CCDC175: variants seen among roughly 807,000 people sequenced by gnomAD.
CCDC175 encodes coiled-coil domain containing 175, also known as coiled-coil domain-containing protein 175.
In CCDC175, 100 loss-of-function variants were observed where a neutral mutation model predicts 114.6. The ratio of observed to expected loss-of-function variants is 0.87; its 90% CI spans 0.74 to 1.03. The LOEUF is 1.03. Among genes scored for constraint, CCDC175 ranks in the 50% least tolerant of loss-of-function variants. The probability of loss-of-function intolerance (pLI) is 0.00; values close to 1 mark genes in which losing one functional copy is unlikely to be tolerated. For missense variants in CCDC175, 880 were observed against 917.8 expected (o/e 0.96, Z 0.53); for synonymous variants, 306 against 308.7 (o/e 0.99, Z 0.09).
At chr14:59,535,014 C>T (rs1308154312) in intron 13 of CCDC175, among the ~76,000 whole-genome samples, 1 of 152,168 alleles carries the variant, frequency 6.6e-6, no homozygotes, top group South Asian at 2.1e-4. Flanking sequence ...AATGGTTCCA[C>T]CAGGGGCACA....
At chr14:59,548,816 T>C (rs1194034371) in intron 8 of CCDC175, among the ~76,000 whole-genome samples, 3 of 152,062 alleles carry the variant, frequency 2.0e-5, no homozygotes, top group South Asian at 2.1e-4. Context: ...AAAGCAAAAA[T>C]GGAAAGCATT....
chr14:59,506,010 G>A lies in CCDC175; in HGVS notation c.2306-695C>T, dbSNP rs531450171. On this transcript the variant is annotated intron_variant, in intron 19 of 19. Transcript: ENST00000537690. ...TTCTCAAAGAGGATTTTCTTTGAGC[G>A]TCATATTGGTGCTGAAAAAGCTTTG... Among the ~76,000 whole-genome samples the A allele has an allele frequency of 3.5e-4, 53 of 152,242 alleles. 2 individuals are homozygous for A. The South Asian group carries it at 0.01, about 30-fold the overall frequency.
At chr14:59,506,755 T>C (rs2139937843) in intron 19 of CCDC175, among the ~76,000 whole-genome samples, 1 of 152,340 alleles carries the variant, frequency 6.6e-6, no homozygotes, top group South Asian at 2.1e-4. Flanking sequence ...AGGAGGTGTT[T>C]TTCTAGACTT....
At chr14:59,549,644 CCA>C (rs200931088) in intron 8 of CCDC175, among the ~76,000 whole-genome samples, 4,918 of 142,626 alleles carry the variant, frequency 0.034, 118 homozygotes, top group Middle Eastern at 0.057. Flanking sequence ...CGCTTGAACC[CCA>C]GAGGCAGAGG....
chr14:59,543,420 C>T lies in CCDC175; in HGVS notation c.1207G>A (p.Glu403Lys). 3 of 1,461,702 alleles carry T rather than the reference C, an allele frequency of 2.1e-6. No individual in the cohort carries two copies. Among genetic ancestry groups the T allele is most frequent in the Non-Finnish European group, 2.7e-6 (3 of 1,099,204 alleles). 90.5% of individuals were successfully genotyped at this position (1,461,702 alleles called of 1,614,324 possible). Residue 403 changes from glutamate (E) to lysine (K), a missense_variant, in exon 10 of 20, where the codon GAA becomes AAA. Glu to Lys is a moderately conservative substitution (Grantham distance 56). Transcript: ENST00000537690. ...ACTCTCTTTTGTGACAGAAAGTATT[C>T]TTTCTGAGAAATAAATGTCAGCTGT... ...QKQLTFISQK[E>K]YFLSQKRVDI...
chr14:59,543,000 T>C (rs1894879013), intron 10 of CCDC175, among the ~76,000 whole-genome samples: 1 of 152,158 alleles, frequency 6.6e-6, no homozygotes, highest in Admixed American at 6.5e-5. Context: ...CATGTACAGG[T>C]ATTATTTTTT....
intron 8 of CCDC175, among the ~76,000 whole-genome samples, chr14:59,546,500 C>T (rs750638901): frequency 9.9e-5 from 15 of 152,122 alleles, no homozygotes; most frequent in Non-Finnish European, 4.4e-5. Context: ...TAGGTGATTG[C>T]TAGGCCTAAT....
chr14:59,543,947 G>C (rs951360887), intron 9 of CCDC175, among the ~76,000 whole-genome samples: 1 of 152,174 alleles, frequency 6.6e-6, no homozygotes, highest in Non-Finnish European at 1.5e-5. Context: ...ATTCTGTCAT[G>C]TTCTTCCATG....
chr14:59,571,178 A>G (rs1896828628), intron 3 of CCDC175, among the ~76,000 whole-genome samples: 1 of 150,696 alleles, frequency 6.6e-6, no homozygotes. Context: ...GAGATCGAAG[A>G]CCTAAACATA....
chr14:59,569,857 G>A (rs1896751326), intron 3 of CCDC175, among the ~76,000 whole-genome samples: 1 of 152,198 alleles, frequency 6.6e-6, no homozygotes, highest in Non-Finnish European at 1.5e-5. Context: ...AAGAAGTGAA[G>A]AGAACTTGAA....
intron 13 of CCDC175, among the ~76,000 whole-genome samples, chr14:59,537,224 A>G (rs1894453514): frequency 6.6e-6 from 1 of 152,108 alleles, no homozygotes; most frequent in South Asian, 2.1e-4. Flanking sequence ...TATTAATATT[A>G]TTAATAGAAA....
chr14:59,546,781 G>A (rs1050359552), intron 8 of CCDC175, among the ~76,000 whole-genome samples: 2 of 152,082 alleles, frequency 1.3e-5, no homozygotes, highest in Non-Finnish European at 2.9e-5. Context: ...AGGCTGCAGT[G>A]AGCCATGATC....
At chr14:59,541,112 C>T (rs967795761) in intron 10 of CCDC175, among the ~76,000 whole-genome samples, 3 of 152,122 alleles carry the variant, frequency 2.0e-5, no homozygotes, top group African/African-American at 2.4e-5. Flanking sequence ...AGGGAAGGAA[C>T]AGCAAGTCAG....
chr14:59,563,862 A>G lies in CCDC175; in HGVS notation c.721-3T>C, dbSNP rs1325877681. The G allele has an allele frequency of 7.1e-7, 1 of 1,405,328 alleles. No individual in the cohort carries two copies. Among genetic ancestry groups the G allele is most frequent in the Non-Finnish European group, 9.2e-7 (1 of 1,086,238 alleles). 87.1% of individuals were successfully genotyped at this position (1,405,328 alleles called of 1,614,324 possible). On this transcript the variant is annotated splice_region_variant and splice_polypyrimidine_tract_variant and intron_variant, in intron 5 of 19. Transcript: ENST00000537690. ...CGGGTATTTTCAAATTCATTAATCTATAGTGACAAGCATAAGAAACCAATT... is the reference window on the plus strand; with the variant it reads ...CGGGTATTTTCAAATTCATTAATCTGTAGTGACAAGCATAAGAAACCAATT...
Position 59,531,908 on chromosome 14 carries a change from T to G in CCDC175, c.1626A>C (p.Glu542Asp). Residue 542 changes from glutamate to aspartate, a missense_variant and splice_region_variant, in exon 14 of 20, where the codon GAA becomes GAC. Coordinates refer to ENST00000537690, the MANE Select transcript of CCDC175 (RefSeq NM_001164399.2). Reference sequence around the variant, plus strand: ...TAATTTGTGTTTCCTTAACAAATATTTCCTTTAAAGAAAATAAAATCAATT... The same window carrying G: ...TAATTTGTGTTTCCTTAACAAATATGTCCTTTAAAGAAAATAAAATCAATT... Reference protein sequence around the residue: ...MLMKELSKYEEIFVKETQINK... With the variant: ...MLMKELSKYEDIFVKETQINK... 1 of 1,151,910 alleles carries G rather than the reference T, an allele frequency of 8.7e-7. No homozygotes were observed. The highest frequency in any genetic ancestry group is 1.2e-6 in the Non-Finnish European group (1 of 816,340). The allele number at this position is 1,151,910 out of a possible 1,614,324, so 71.4% of individuals were successfully genotyped here. A position where few individuals can be genotyped will look rare whatever the true frequency, so the allele number is the denominator to read the frequency against.
chr14:59,523,984 G>C (rs1037089968), intron 16 of CCDC175, among the ~76,000 whole-genome samples: 2 of 141,672 alleles, frequency 1.4e-5, no homozygotes, highest in African/African-American at 2.8e-5. Context: ...GCAAGACTCC[G>C]TCTCAAAAAA....
intron 17 of CCDC175, among the ~76,000 whole-genome samples, chr14:59,515,580 A>G (rs1267340679): frequency 6.6e-6 from 1 of 152,192 alleles, no homozygotes; most frequent in Admixed American, 6.5e-5. Flanking sequence ...AGGCCATTAC[A>G]TAATGGTAAA....
At chr14:59,566,201 T>C (rs1332793819) in intron 4 of CCDC175, among the ~76,000 whole-genome samples, 1 of 152,168 alleles carries the variant, frequency 6.6e-6, no homozygotes, top group African/African-American at 2.4e-5. Flanking sequence ...ACACATCCAT[T>C]GCGGGCGGTG....
At chr14:59,512,884 G>T (rs1168239096) in intron 17 of CCDC175, among the ~76,000 whole-genome samples, 1 of 150,678 alleles carries the variant, frequency 6.6e-6, no homozygotes, top group East Asian at 2.0e-4. Flanking sequence ...GGAAATCAAA[G>T]AATTTAGAAT....
Sources: allele counts gnomAD v4.1 joint callset (sites outside exome capture counted in the v4.1 genomes callset), GRCh38; gene constraint gnomAD v4.1.1; transcripts MANE v1.5; gene names NCBI Gene and HGNC (gene_info 2026-07-23, HGNC 2026-07-21).